The following PDE4D variants were observed in gnomAD, a reference collection of about 807,000 sequenced individuals.
The protein encoded by PDE4D is 3',5'-cyclic-AMP phosphodiesterase 4D.
A neutral mutation model predicts 87.4 loss-of-function variants in PDE4D; 24 were observed. The observed-to-expected ratio is 0.27, with a 90% confidence interval of 0.20 to 0.39. PDE4D has a LOEUF of 0.39. Among genes scored for constraint, PDE4D ranks in the 10% least tolerant of loss-of-function variants. The pLI is 1.00. For synonymous variants in PDE4D, 384 were observed against 383.2 expected, an observed-to-expected ratio of 1.00 and a Z score of -0.02; for missense variants, 714 against 1,041.0, an observed-to-expected ratio of 0.69 and a Z score of 4.32.
chr5:59,488,822 C>A (rs775046055), intron 1 of PDE4D, among the ~76,000 whole-genome samples: 3 of 151,732 alleles, frequency 2.0e-5, no homozygotes, highest in Non-Finnish European at 4.4e-5. Context: ...TTAGGATTGG[C>A]GGTTTAGCTG....
intron 1 of PDE4D, among the ~76,000 whole-genome samples, chr5:60,232,701 T>C (rs1193562752): frequency 6.6e-6 from 1 of 151,840 alleles, no homozygotes; most frequent in South Asian, 2.1e-4. Flanking sequence ...GTCAGTGTGG[T>C]TCTAACTGTT....
At chr5:59,616,915 T>TTACATATATATATATATATA (rs1186393889) in intron 1 of PDE4D, among the ~76,000 whole-genome samples, 1 of 12,296 alleles carries the variant, frequency 8.1e-5, no homozygotes, top group East Asian at 1.5e-3. Context: ...GACCTAATAA[T>TTACATATATATATATATATA]TACATATATA....
intron 2 of PDE4D, among the ~76,000 whole-genome samples, chr5:60,010,665 T>A (rs895185124): frequency 6.6e-6 from 1 of 152,154 alleles, no homozygotes; most frequent in Admixed American, 6.6e-5. Flanking sequence ...TCTTGTCTTA[T>A]GGTGAAATGT....
intron 1 of PDE4D, among the ~76,000 whole-genome samples, chr5:60,282,052 AT>A (rs1320454130): frequency 1.3e-5 from 2 of 151,958 alleles, no homozygotes; most frequent in African/African-American, 2.4e-5. Flanking sequence ...GAGATACTCT[AT>A]TTCAATAGAA....
chr5:59,136,264 G>A lies in PDE4D; in HGVS notation c.808+44331C>T, dbSNP rs531904162. 1.4e-4 allele frequency among the ~76,000 whole-genome samples: 21 copies of A among 152,294 alleles called. 1 individual carries two copies. In the South Asian group the frequency reaches 4.4e-3, roughly 32 times the overall value. On this transcript the variant is annotated intron_variant, in intron 5 of 14. Transcript: ENST00000340635. The stretch of plus-strand genomic sequence containing the variant: ...GAAAATATGTTTTTTGTGAATCTCA[G>A]GGTCAGTGTGTATAGAAATACAAGC...
At chr5:59,238,488 G>A (rs751083479) in intron 1 of PDE4D, among the ~76,000 whole-genome samples, 5 of 152,122 alleles carry the variant, frequency 3.3e-5, no homozygotes, top group Non-Finnish European at 5.9e-5. Flanking sequence ...CAGCTCTTAT[G>A]TATTTATGAA....
chr5:59,665,404 C>T (rs766874482), intron 1 of PDE4D, among the ~76,000 whole-genome samples: 10 of 152,158 alleles, frequency 6.6e-5, no homozygotes, highest in Non-Finnish European at 1.2e-4. Context: ...ACTTTTTCTG[C>T]CTCAGGTCAC....
At chr5:60,448,122 T>A (rs1745800375) in intron 1 of PDE4D, among the ~76,000 whole-genome samples, 1 of 152,082 alleles carries the variant, frequency 6.6e-6, no homozygotes, top group Non-Finnish European at 1.5e-5. Context: ...ATTGGAACAT[T>A]TACATCTGTT....
intron 5 of PDE4D, among the ~76,000 whole-genome samples, chr5:59,071,683 C>CTTTTTTTTTTTTTTTTT (rs10701223): frequency 8.5e-5 from 7 of 82,402 alleles, no homozygotes; most frequent in Non-Finnish European, 1.1e-4. Flanking sequence ...TATTTCTCTT[C>CTTTTTTTTTTTTTTTTT]TTTTTTTTTT....
intron 6 of PDE4D, among the ~76,000 whole-genome samples, chr5:59,016,833 TAAAC>T (rs1754102479): frequency 1.3e-5 from 2 of 152,002 alleles, no homozygotes; most frequent in South Asian, 2.1e-4. Flanking sequence ...GATACAGTAA[TAAAC>T]AAAACAGACA....
intron 1 of PDE4D, among the ~76,000 whole-genome samples, chr5:60,486,874 C>G (rs1749186404): frequency 6.6e-6 from 1 of 152,122 alleles, no homozygotes; most frequent in South Asian, 2.1e-4. Context: ...AAAGGAACCC[C>G]TTTATTTTTA....
intron 2 of PDE4D, among the ~76,000 whole-genome samples, chr5:60,007,679 T>C (rs547279311): frequency 6.6e-6 from 1 of 152,026 alleles, no homozygotes; most frequent in Non-Finnish European, 1.5e-5. Flanking sequence ...ACTTTAAATG[T>C]CATCTACTTC....
intron 1 of PDE4D, among the ~76,000 whole-genome samples, chr5:59,732,394 TCACACACACACACA>T (rs71604799): frequency 6.8e-6 from 1 of 146,128 alleles, no homozygotes; most frequent in Non-Finnish European, 1.5e-5. Context: ...CAGGAGACAT[TCACACACACACACA>T]CACACACACA....
intron 1 of PDE4D, among the ~76,000 whole-genome samples, chr5:59,600,659 A>G (rs1189684228): frequency 6.6e-6 from 1 of 152,184 alleles, no homozygotes; most frequent in Non-Finnish European, 1.5e-5. Context: ...GTTAGACAGC[A>G]GAGGAAGTTT....
At chr5:59,116,098 T>C (rs1773564778) in intron 5 of PDE4D, among the ~76,000 whole-genome samples, 1 of 152,162 alleles carries the variant, frequency 6.6e-6, no homozygotes, top group Admixed American at 6.5e-5. Context: ...AAAAAATGTG[T>C]AAACGTACAG....
chr5:59,110,746 C>T lies in PDE4D; in HGVS notation c.808+69849G>A, dbSNP rs909457480. ...AATTAGCCAGGCATGGTGGTGCATG[C>T]CTGTAGTCCCAGCTACTTGAGAGGC... On this transcript the variant is annotated intron_variant, in intron 5 of 14. Transcript: ENST00000340635. Among the ~76,000 whole-genome samples, 10 of 152,206 alleles carry T rather than the reference C, an allele frequency of 6.6e-5. 1 individual carries two copies. Among genetic ancestry groups the T allele is most frequent in the Admixed American group, 3.9e-4 (6 of 15,294 alleles).
chr5:60,240,400 G>C (rs986704217), intron 1 of PDE4D, among the ~76,000 whole-genome samples: 1 of 152,112 alleles, frequency 6.6e-6, no homozygotes, highest in Non-Finnish European at 1.5e-5. Context: ...CCAGTTCCAA[G>C]GCTTGACTCT....
intron 1 of PDE4D, among the ~76,000 whole-genome samples, chr5:59,295,520 G>A (rs1185010964): frequency 6.6e-6 from 1 of 152,130 alleles, no homozygotes; most frequent in Non-Finnish European, 1.5e-5. Flanking sequence ...TGCCCAGGTT[G>A]CCTGTTGCCT....
chr5:60,270,529 G>T (rs1453485309), intron 1 of PDE4D, among the ~76,000 whole-genome samples: 1 of 151,578 alleles, frequency 6.6e-6, no homozygotes, highest in Non-Finnish European at 1.5e-5. Context: ...GTTTTATTTT[G>T]CTTTTTATTT....
Sources: allele counts gnomAD v4.1 joint callset (sites outside exome capture counted in the v4.1 genomes callset), GRCh38; gene constraint gnomAD v4.1.1; transcripts MANE v1.5; gene names NCBI Gene and HGNC (gene_info 2026-07-23, HGNC 2026-07-21).